The following MARCHF1 variants were observed in gnomAD, a reference collection of about 807,000 sequenced individuals.
MARCHF1 encodes the protein membrane associated ring-CH-type finger 1.
MARCHF1 carries 40 observed loss-of-function variants against 54.2 expected under a neutral mutation model. The ratio of observed to expected loss-of-function variants is 0.74; its 90% CI spans 0.57 to 0.96. MARCHF1 has a LOEUF of 0.96. MARCHF1 is among the 40% of genes least tolerant of loss of function. MARCHF1 has a pLI of 0.00. For synonymous variants in MARCHF1, 236 were observed against 236.3 expected (o/e 1.00, Z 0.01); for missense variants, 586 against 656.5 (o/e 0.89, Z 1.17).
chr4:164,013,850 A>G (rs1043476497), intron 2 of MARCHF1, among the ~76,000 whole-genome samples: 1 of 152,130 alleles, frequency 6.6e-6, no homozygotes, highest in African/African-American at 2.4e-5. Context: ...ATTTCTCAAC[A>G]CCAGACTTGC....
At chr4:164,112,188 T>C (rs1321295748) in intron 1 of MARCHF1, among the ~76,000 whole-genome samples, 1 of 151,884 alleles carries the variant, frequency 6.6e-6, no homozygotes, top group Non-Finnish European at 1.5e-5. Flanking sequence ...TTTTGGATCC[T>C]TATGTAATCT....
chr4:164,243,793 G>A (rs1241153469), intron 1 of MARCHF1, among the ~76,000 whole-genome samples: 3 of 152,066 alleles, frequency 2.0e-5, no homozygotes, highest in Non-Finnish European at 2.9e-5. Flanking sequence ...ACAAAAAAAG[G>A]CAGGGGTTGC....
At chr4:163,698,687 T>TC in intron 5 of MARCHF1, among the ~76,000 whole-genome samples, 1 of 152,192 alleles carries the variant, frequency 6.6e-6, no homozygotes, top group East Asian at 1.9e-4. Flanking sequence ...CATTAAATAC[T>TC]AAAACATGAT....
At chr4:163,596,269 C>T (rs1038661410) in intron 7 of MARCHF1, among the ~76,000 whole-genome samples, 1 of 152,010 alleles carries the variant, frequency 6.6e-6, no homozygotes, top group Non-Finnish European at 1.5e-5. Flanking sequence ...GGCTGGGCGC[C>T]GATGGCTCAC....
intron 2 of MARCHF1, among the ~76,000 whole-genome samples, chr4:164,101,272 A>G (rs9760653): frequency 6.6e-6 from 1 of 151,240 alleles, no homozygotes; most frequent in South Asian, 2.1e-4. Flanking sequence ...CAGCTCAAGG[A>G]GGCCTGCCTG....
intron 1 of MARCHF1, among the ~76,000 whole-genome samples, chr4:164,161,881 G>A (rs78800574): frequency 1.6e-3 from 239 of 152,140 alleles, no homozygotes; most frequent in South Asian, 0.011. Context: ...TATTTACAGC[G>A]ATCCTTGACA....
At chr4:163,833,739 G>A (rs1213232026) in intron 4 of MARCHF1, among the ~76,000 whole-genome samples, 1 of 152,104 alleles carries the variant, frequency 6.6e-6, no homozygotes, top group Non-Finnish European at 1.5e-5. Flanking sequence ...CGTGGTGTGG[G>A]GCATGTCATT....
intron 1 of MARCHF1, among the ~76,000 whole-genome samples, chr4:164,133,377 A>G (rs1054038839): frequency 6.6e-6 from 1 of 152,182 alleles, no homozygotes; most frequent in African/African-American, 2.4e-5. Context: ...ATCAAGAATA[A>G]AACTGACATT....
At chr4:163,906,134 T>G (rs1488503091) in intron 3 of MARCHF1, among the ~76,000 whole-genome samples, 1 of 152,024 alleles carries the variant, frequency 6.6e-6, no homozygotes, top group Non-Finnish European at 1.5e-5. Flanking sequence ...GATGGCTAGT[T>G]TATTTAGTAC....
At chr4:163,615,676 A>G (rs1741486071) in intron 5 of MARCHF1, among the ~76,000 whole-genome samples, 1 of 152,154 alleles carries the variant, frequency 6.6e-6, no homozygotes, top group Non-Finnish European at 1.5e-5. Flanking sequence ...GTTTCAGTGC[A>G]AACCCTACCA....
At chr4:164,016,922 A>C (rs1450112709) in intron 2 of MARCHF1, among the ~76,000 whole-genome samples, 1 of 152,138 alleles carries the variant, frequency 6.6e-6, no homozygotes, top group Non-Finnish European at 1.5e-5. Context: ...GTACCCTATA[A>C]ATATGTACAA....
At chr4:164,284,142 T>C (rs1365539237) in intron 1 of MARCHF1, among the ~76,000 whole-genome samples, 1 of 151,124 alleles carries the variant, frequency 6.6e-6, no homozygotes, top group African/African-American at 2.4e-5. Flanking sequence ...GGTTCGCTAT[T>C]CAAATCACTT....
chr4:164,013,784 A>G (rs1753478183), intron 2 of MARCHF1, among the ~76,000 whole-genome samples: 2 of 152,226 alleles, frequency 1.3e-5, no homozygotes, highest in African/African-American at 4.8e-5. Flanking sequence ...AATCAAAGTT[A>G]TCCTTCAAAC....
At chr4:163,909,492 A>T (rs1469326881) in intron 3 of MARCHF1, among the ~76,000 whole-genome samples, 1 of 152,166 alleles carries the variant, frequency 6.6e-6, no homozygotes, top group Non-Finnish European at 1.5e-5. Context: ...AAAGAGAAAA[A>T]CTTTCATGTC....
At chr4:163,919,387 G>C (rs1341661958) in intron 3 of MARCHF1, among the ~76,000 whole-genome samples, 1 of 151,776 alleles carries the variant, frequency 6.6e-6, no homozygotes, top group African/African-American at 2.4e-5. Flanking sequence ...AAGTAAAAAT[G>C]GAACACTTGA....
intron 4 of MARCHF1, among the ~76,000 whole-genome samples, chr4:163,718,029 C>A (rs1745320922): frequency 6.6e-6 from 1 of 152,150 alleles, no homozygotes; most frequent in African/African-American, 2.4e-5. Context: ...TCTGACAAAC[C>A]TGACAAAAAC....
At chr4:163,679,974 T>A (rs1462535031) in intron 5 of MARCHF1, among the ~76,000 whole-genome samples, 1 of 91,682 alleles carries the variant, frequency 1.1e-5, no homozygotes, top group African/African-American at 3.9e-5. Context: ...TCTTGCTTTT[T>A]ATCTGTTTTT....
At chr4:163,550,402 C>T (rs559814488) in intron 8 of MARCHF1, among the ~76,000 whole-genome samples, 5 of 152,056 alleles carry the variant, frequency 3.3e-5, no homozygotes, top group African/African-American at 9.6e-5. Context: ...TGGTTTCCAG[C>T]TTCCGTAACA....
intron 1 of MARCHF1, among the ~76,000 whole-genome samples, chr4:164,193,754 A>G (rs1249489757): frequency 6.6e-6 from 1 of 152,090 alleles, no homozygotes; most frequent in Non-Finnish European, 1.5e-5. Context: ...GTCCAAAATC[A>G]CCCTGCATCT....
Sources: allele counts gnomAD v4.1 joint callset (sites outside exome capture counted in the v4.1 genomes callset), GRCh38; gene constraint gnomAD v4.1.1; transcripts MANE v1.5; gene names NCBI Gene and HGNC (gene_info 2026-07-23, HGNC 2026-07-21).